The following SGCZ variants were observed in gnomAD, a reference collection of about 807,000 sequenced individuals.
SGCZ encodes the protein sarcoglycan zeta.
SGCZ carries 40 observed loss-of-function variants against 41.3 expected under a neutral mutation model. That is an observed-to-expected ratio of 0.97 (90% CI 0.75 to 1.26). The LOEUF (loss-of-function observed/expected upper bound fraction) is 1.26, where lower values mean the gene tolerates loss of function less well. SGCZ is among the 50% of genes most tolerant of loss of function. The pLI is 0.00. For missense variants in SGCZ, 552 were observed against 369.8 expected, an observed-to-expected ratio of 1.49 and a Z score of -4.04; for synonymous variants, 206 against 137.5, an observed-to-expected ratio of 1.50 and a Z score of -3.49.
chr8:15,047,919 C>T (rs766228884), intron 1 of SGCZ, among the ~76,000 whole-genome samples: 3 of 151,922 alleles, frequency 2.0e-5, no homozygotes, highest in Admixed American at 6.6e-5. Context: ...TATGGAAAAC[C>T]GTATGGAGGT....
At position 14,588,521 on chromosome 8, in the gene SGCZ, T is replaced by A. The variant is rs6985203; in HGVS notation, c.40-33595A>T. ...ATTAAAAATTTTGCCCTAGAACATTTTATGTGATTCAAATATTACAACAAA... is the reference window on the plus strand; with the variant it reads ...ATTAAAAATTTTGCCCTAGAACATTATATGTGATTCAAATATTACAACAAA... On this transcript the variant is annotated intron_variant, in intron 1 of 7. Coordinates refer to ENST00000382080, the MANE Select transcript of SGCZ (RefSeq NM_139167.4). 8.4e-3 allele frequency among the ~76,000 whole-genome samples: 1,276 copies of A among 152,234 alleles called. 13 individuals carry two copies. Among genetic ancestry groups the A allele is most frequent in the African/African-American group, 0.029 (1,216 of 41,562 alleles).
At chr8:14,228,173 T>C (rs928243829) in intron 4 of SGCZ, among the ~76,000 whole-genome samples, 3 of 152,118 alleles carry the variant, frequency 2.0e-5, no homozygotes, top group Non-Finnish European at 4.4e-5. Flanking sequence ...ATGTTTCTTA[T>C]CAAGGCAAAC....
At chr8:15,025,952 C>G (rs748270593) in intron 1 of SGCZ, among the ~76,000 whole-genome samples, 5 of 152,048 alleles carry the variant, frequency 3.3e-5, no homozygotes, top group African/African-American at 4.8e-5. Flanking sequence ...TTTCGAACCA[C>G]ACAAAAATAT....
At chr8:14,578,054 C>T (rs1051183498) in intron 1 of SGCZ, among the ~76,000 whole-genome samples, 3 of 152,174 alleles carry the variant, frequency 2.0e-5, no homozygotes, top group Non-Finnish European at 4.4e-5. Flanking sequence ...TCCTTGTGCA[C>T]CATTCCTTAC....
At chr8:14,575,022 T>C (rs1187760971) in intron 1 of SGCZ, among the ~76,000 whole-genome samples, 2 of 152,212 alleles carry the variant, frequency 1.3e-5, no homozygotes, top group African/African-American at 2.4e-5. Context: ...AAAATAATTT[T>C]GTTTTCTCAG....
intron 3 of SGCZ, among the ~76,000 whole-genome samples, chr8:14,315,813 G>C (rs1169512191): frequency 1.3e-5 from 2 of 151,120 alleles, no homozygotes; most frequent in African/African-American, 4.9e-5. Flanking sequence ...ATATTTAATT[G>C]ATTCAAACTA....
At chr8:14,371,496 T>C (rs1585417405) in intron 2 of SGCZ, among the ~76,000 whole-genome samples, 2 of 151,252 alleles carry the variant, frequency 1.3e-5, no homozygotes, top group African/African-American at 2.4e-5. Flanking sequence ...ACACTAATTT[T>C]ATCCTAAATT....
chr8:14,199,792 C>T (rs1339812688), intron 4 of SGCZ, among the ~76,000 whole-genome samples: 2 of 152,010 alleles, frequency 1.3e-5, no homozygotes, highest in Non-Finnish European at 2.9e-5. Flanking sequence ...AACGCATTTC[C>T]TTTTTAAAGA....
At chr8:15,119,593 A>T (rs1459965406) in intron 1 of SGCZ, among the ~76,000 whole-genome samples, 1 of 147,574 alleles carries the variant, frequency 6.8e-6, no homozygotes, top group African/African-American at 2.7e-5. Flanking sequence ...TGAATCATAA[A>T]ATCGGGTCAG....
intron 2 of SGCZ, among the ~76,000 whole-genome samples, chr8:14,352,891 C>T (rs1803153222): frequency 6.6e-6 from 1 of 152,004 alleles, no homozygotes; most frequent in African/African-American, 2.4e-5. Flanking sequence ...GAATAATTTT[C>T]TCCCTACCCT....
intron 2 of SGCZ, among the ~76,000 whole-genome samples, chr8:14,344,612 G>T (rs887818130): frequency 2.0e-5 from 3 of 152,048 alleles, no homozygotes; most frequent in African/African-American, 7.2e-5. Context: ...GGGAACGAAA[G>T]GCTTAGAAAA....
intron 1 of SGCZ, among the ~76,000 whole-genome samples, chr8:14,884,708 G>C (rs1804725628): frequency 6.6e-6 from 1 of 151,938 alleles, no homozygotes; most frequent in African/African-American, 2.4e-5. Flanking sequence ...TAGATATTTA[G>C]TATTTCACAA....
intron 1 of SGCZ, among the ~76,000 whole-genome samples, chr8:14,643,789 C>A (rs557107048): frequency 6.6e-6 from 1 of 151,694 alleles, no homozygotes; most frequent in Non-Finnish European, 1.5e-5. Context: ...TCAAACAAGT[C>A]ACATCCTAAA....
intron 1 of SGCZ, among the ~76,000 whole-genome samples, chr8:14,564,260 T>C (rs1186812611): frequency 6.6e-6 from 1 of 152,216 alleles, no homozygotes; most frequent in Non-Finnish European, 1.5e-5. Context: ...ACTGGGAGTG[T>C]TGATATTCCA....
At chr8:14,785,870 T>G (rs1457416738) in intron 1 of SGCZ, among the ~76,000 whole-genome samples, 1 of 152,082 alleles carries the variant, frequency 6.6e-6, no homozygotes, top group Non-Finnish European at 1.5e-5. Flanking sequence ...CCAAGGCTAA[T>G]TGTGGAAACT....
chr8:14,832,035 A>C (rs1192392967), intron 1 of SGCZ, among the ~76,000 whole-genome samples: 1 of 152,158 alleles, frequency 6.6e-6, no homozygotes. Flanking sequence ...CTAGCAACAG[A>C]AACAGATTAA....
chr8:14,360,753 G>A (rs1456420904), intron 2 of SGCZ, among the ~76,000 whole-genome samples: 1 of 152,166 alleles, frequency 6.6e-6, no homozygotes, highest in Admixed American at 6.5e-5. Context: ...GAATAAAGCT[G>A]CTATGGACAT....
At chr8:14,110,886 C>T (rs1428105510) in intron 5 of SGCZ, among the ~76,000 whole-genome samples, 1 of 151,944 alleles carries the variant, frequency 6.6e-6, no homozygotes, top group African/African-American at 2.4e-5. Flanking sequence ...AAATCCTCTC[C>T]TCTCTACTAA....
At chr8:14,639,245 T>C (rs570985763) in intron 1 of SGCZ, among the ~76,000 whole-genome samples, 27 of 151,538 alleles carry the variant, frequency 1.8e-4, no homozygotes, top group Non-Finnish European at 3.2e-4. Flanking sequence ...GAGGCAGCAA[T>C]CCACTCTTAC....
Sources: allele counts gnomAD v4.1 joint callset (sites outside exome capture counted in the v4.1 genomes callset), GRCh38; gene constraint gnomAD v4.1.1; transcripts MANE v1.5; gene names NCBI Gene and HGNC (gene_info 2026-07-23, HGNC 2026-07-21).